ZFHX3: variants seen among roughly 807,000 people sequenced by gnomAD.
ZFHX3 encodes the protein zinc finger homeobox protein 3.
ZFHX3 carries 42 observed loss-of-function variants against 279.1 expected under a neutral mutation model. That is an observed-to-expected ratio of 0.15 (90% CI 0.12 to 0.19). The LOEUF (loss-of-function observed/expected upper bound fraction) is 0.19. Ranked by LOEUF, ZFHX3 falls within the 10% of genes least tolerant of loss-of-function variation. The probability of loss-of-function intolerance (pLI) is 1.00; values close to 1 mark genes in which losing one functional copy is unlikely to be tolerated. For missense variants in ZFHX3, 4,981 were observed against 4,754.0 expected, an observed-to-expected ratio of 1.05 and a Z score of -1.40; for synonymous variants, 2,293 against 1,957.8, an observed-to-expected ratio of 1.17 and a Z score of -4.52.
At chr16:73,422,613 A>G (rs1205793722) in intron 3 of ZFHX3, among the ~76,000 whole-genome samples, 1 of 152,168 alleles carries the variant, frequency 6.6e-6, no homozygotes, top group Non-Finnish European at 1.5e-5. Flanking sequence ...TAGCACCCAG[A>G]CTTAGGTCTA....
chr16:73,386,060 G>A (rs2016896511), intron 3 of ZFHX3, among the ~76,000 whole-genome samples: 1 of 152,160 alleles, frequency 6.6e-6, no homozygotes, highest in East Asian at 1.9e-4. Context: ...CTACCGAAGG[G>A]TAGGTCATCT....
At chr16:73,260,717 C>A (rs1245271277) in intron 4 of ZFHX3, among the ~76,000 whole-genome samples, 2 of 107,970 alleles carry the variant, frequency 1.9e-5, no homozygotes, top group Non-Finnish European at 3.4e-5. Context: ...TGAGATGGAG[C>A]TTTGCTCTTG....
At chr16:73,148,207 C>T (rs960526975) in intron 5 of ZFHX3, among the ~76,000 whole-genome samples, 1 of 152,208 alleles carries the variant, frequency 6.6e-6, no homozygotes, top group African/African-American at 2.4e-5. Context: ...GCTTGTGAAG[C>T]CTAACATATT....
intron 3 of ZFHX3, among the ~76,000 whole-genome samples, chr16:73,434,094 T>C (rs1159374616): frequency 1.3e-5 from 2 of 152,202 alleles, no homozygotes; most frequent in African/African-American, 4.8e-5. Flanking sequence ...TTATCAACTG[T>C]CAATAAACCG....
chr16:73,374,363 CAA>C (rs1399023205), intron 3 of ZFHX3, among the ~76,000 whole-genome samples: 141 of 31,756 alleles, frequency 4.4e-3, no homozygotes, highest in African/African-American at 0.011. Context: ...ATCGGCCATT[CAA>C]GGCCAGGCTT....
intron 1 of ZFHX3, among the ~76,000 whole-genome samples, chr16:73,743,880 A>G (rs419318): frequency 0.08 from 12,240 of 152,174 alleles, 693 homozygotes; most frequent in African/African-American, 0.16. Context: ...ATCTAGACCA[A>G]AATCTATGTG....
chr16:73,148,773 C>T (rs1273362848), intron 5 of ZFHX3, among the ~76,000 whole-genome samples: 1 of 151,036 alleles, frequency 6.6e-6, no homozygotes, highest in African/African-American at 2.4e-5. Context: ...ATGGAGAAAC[C>T]CTGTTTCTAA....
chr16:73,445,141 T>A (rs114570078), intron 3 of ZFHX3, among the ~76,000 whole-genome samples: 2,374 of 151,626 alleles, frequency 0.016, 51 homozygotes, highest in African/African-American at 0.047. Context: ...TGAAAAATTT[T>A]AAAAAAAATC....
chr16:73,079,888 A>G (rs1965925878), intron 8 of ZFHX3, among the ~76,000 whole-genome samples: 1 of 152,164 alleles, frequency 6.6e-6, no homozygotes, highest in South Asian at 2.1e-4. Flanking sequence ...CCTTTTAAAT[A>G]GATCCCTTGT....
intron 3 of ZFHX3, among the ~76,000 whole-genome samples, chr16:73,350,506 G>T (rs970111572): frequency 6.6e-6 from 1 of 152,126 alleles, no homozygotes; most frequent in Non-Finnish European, 1.5e-5. Flanking sequence ...TGGTACTTGG[G>T]ATTCCCTGGA....
At chr16:73,358,656 G>A (rs16971797) in intron 3 of ZFHX3, among the ~76,000 whole-genome samples, 7,810 of 152,298 alleles carry the variant, frequency 0.051, 646 homozygotes, top group African/African-American at 0.18. Flanking sequence ...AACTAATGCA[G>A]ATGACCTCTC....
chr16:73,856,987 C>G (rs1307153289), intron 1 of ZFHX3, among the ~76,000 whole-genome samples: 1 of 152,180 alleles, frequency 6.6e-6, no homozygotes, highest in East Asian at 1.9e-4. Flanking sequence ...TCAGCGGTGG[C>G]CAGAGAGCGG....
At chr16:73,355,648 C>T (rs961129787) in intron 3 of ZFHX3, among the ~76,000 whole-genome samples, 1 of 152,182 alleles carries the variant, frequency 6.6e-6, no homozygotes, top group African/African-American at 2.4e-5. Context: ...AACTGAGGCA[C>T]AGCAGGGAGG....
Position 72,795,999 on chromosome 16 carries a change from G to A in ZFHX3, c.6683C>T (p.Pro2228Leu). 1 of 1,614,136 alleles carries A rather than the reference G, an allele frequency of 6.2e-7. No individual in the cohort carries two copies. The highest frequency in any genetic ancestry group is 8.5e-7 in the Non-Finnish European group (1 of 1,180,026). ...CTGCTTTGGAGGTTCCGGCGAAGGG[G>A]GCCGGGAGTCAATCTTGAGCTCCTC... ...SLEELKIDSR[P>L]PSPEPPKQEY... Residue 2228 changes from proline to leucine, a missense_variant, in exon 9 of 10, where the codon CCC (proline) becomes CTC (leucine). Coordinates refer to ENST00000268489, the MANE Select transcript of ZFHX3 (RefSeq NM_006885.4).
intron 3 of ZFHX3, among the ~76,000 whole-genome samples, chr16:73,399,222 G>T (rs1353901712): frequency 6.6e-6 from 1 of 152,106 alleles, no homozygotes; most frequent in Non-Finnish European, 1.5e-5. Flanking sequence ...AAAGGGAAGG[G>T]ATGGGAACCT....
chr16:72,818,151 G>T (rs2036669153), intron 5 of ZFHX3, among the ~76,000 whole-genome samples: 1 of 152,114 alleles, frequency 6.6e-6, no homozygotes, highest in African/African-American at 2.4e-5. Context: ...ACAAGACACA[G>T]ATGTATCACC....
chr16:73,015,892 G>A (rs1190267284), intron 1 of ZFHX3: 3 of 152,220 alleles, frequency 2.0e-5, no homozygotes, highest in Non-Finnish European at 4.4e-5. Flanking sequence ...AACACCTCCA[G>A]GGGAGCCAGC....
chr16:73,804,148 C>A (rs1435890867), intron 1 of ZFHX3, among the ~76,000 whole-genome samples: 1 of 152,010 alleles, frequency 6.6e-6, no homozygotes, highest in South Asian at 2.1e-4. Flanking sequence ...CAGAGCAGAC[C>A]CTGTCTCAAA....
chr16:73,319,335 A>T (rs1038831301), intron 3 of ZFHX3, among the ~76,000 whole-genome samples: 1 of 151,934 alleles, frequency 6.6e-6, no homozygotes, highest in African/African-American at 2.4e-5. Flanking sequence ...TCCTTTCAAC[A>T]TCCCCACTCT....
Sources: allele counts gnomAD v4.1 joint callset (sites outside exome capture counted in the v4.1 genomes callset), GRCh38; gene constraint gnomAD v4.1.1; transcripts MANE v1.5; gene names NCBI Gene and HGNC (gene_info 2026-07-23, HGNC 2026-07-21).